The following TRIM58 variants were observed in gnomAD, a reference collection of about 807,000 sequenced individuals.
TRIM58 encodes tripartite motif containing 58, also known as E3 ubiquitin-protein ligase TRIM58.
TRIM58 carries 38 observed loss-of-function variants against 34.1 expected under a neutral mutation model. That is an observed-to-expected ratio of 1.12 (90% CI 0.86 to 1.46). The LOEUF (loss-of-function observed/expected upper bound fraction) is 1.46, where lower values mean the gene tolerates loss of function less well. Ranked by LOEUF, TRIM58 falls within the 40% of genes most tolerant of loss-of-function variation. The probability of loss-of-function intolerance (pLI) is 0.00; values close to 1 mark genes in which losing one functional copy is unlikely to be tolerated. For missense variants in TRIM58, 677 were observed against 642.0 expected (o/e 1.05, Z -0.59); for synonymous variants, 273 against 275.7 (o/e 0.99, Z 0.10).
At chr1:247,869,441 A>T (rs541374672) in intron 5 of TRIM58, among the ~76,000 whole-genome samples, 2 of 152,246 alleles carry the variant, frequency 1.3e-5, no homozygotes, top group Non-Finnish European at 1.5e-5. Context: ...ATTAGCTTAC[A>T]AAAGACACTC....
chr1:247,873,943 G>A (rs1659206321), intron 5 of TRIM58, among the ~76,000 whole-genome samples: 1 of 151,674 alleles, frequency 6.6e-6, no homozygotes. Flanking sequence ...TCCAGACTGG[G>A]CAACAGAGCG....
chr1:247,857,331 G>C lies in TRIM58; in HGVS notation c.85G>C (p.Val29Leu), dbSNP rs868777584. 4 of 1,480,538 alleles carry C rather than the reference G, an allele frequency of 2.7e-6. No homozygotes were observed. The highest frequency in any genetic ancestry group is 3.6e-6 in the Non-Finnish European group (4 of 1,111,824). The allele number at this position is 1,480,538 out of a possible 1,614,324, so 91.7% of individuals were successfully genotyped here. A position where few individuals can be genotyped will look rare whatever the true frequency, so the allele number is the denominator to read the frequency against. Reference sequence around the variant, plus strand: ...GGATTTCCTGCAGGAGCCGGTCAGCGTGGACTGCGGCCACAGCTTCTGCCT... The same window carrying C: ...GGATTTCCTGCAGGAGCCGGTCAGCCTGGACTGCGGCCACAGCTTCTGCCT... ...CLDFLQEPVS[V>L]DCGHSFCLRC... The change falls in exon 1 of 6, where the codon GTG (valine) becomes CTG (leucine). Residue 29 changes from valine to leucine, a missense_variant. Val to Leu is a conservative substitution (Grantham distance 32). Coordinates refer to ENST00000366481, the MANE Select transcript of TRIM58 (RefSeq NM_015431.4).
Position 247,864,812 on chromosome 1 carries a change from G to C in TRIM58, c.624G>C (p.Glu208Asp). Residue 208 changes from glutamate (E) to aspartate (D), a missense_variant, in exon 3 of 6, where the codon GAG becomes GAC. Glu to Asp is a conservative substitution (Grantham distance 45). Transcript: ENST00000366481. ...QRQLRRLEAE[E>D]RATLQRLRES... is the part of the protein sequence containing the mutation. Reference sequence around the variant, plus strand: ...AGCTGAGGCGGCTGGAGGCGGAGGAGCGAGCGACGCTGCAGAGACTGCGGG... The same window carrying C: ...AGCTGAGGCGGCTGGAGGCGGAGGACCGAGCGACGCTGCAGAGACTGCGGG... 1 of 1,613,958 alleles carries C rather than the reference G, an allele frequency of 6.2e-7. No individual in the cohort carries two copies.
chr1:247,865,060 C>A, intron 3 of TRIM58, 125 bp downstream of exon 3: 1 of 871,528 alleles, frequency 1.1e-6, no homozygotes, highest in Non-Finnish European at 1.7e-6. Context: ...CTCAAATTTA[C>A]TCAGAAGGCA....
At chr1:247,871,515 G>A (rs568334421) in intron 5 of TRIM58, among the ~76,000 whole-genome samples, 1 of 152,208 alleles carries the variant, frequency 6.6e-6, no homozygotes, top group South Asian at 2.1e-4. Flanking sequence ...TCTAAATAGT[G>A]ACTTCACTAC....
intron 1 of TRIM58, among the ~76,000 whole-genome samples, chr1:247,858,845 C>T (rs1042885019): frequency 3.4e-5 from 5 of 148,988 alleles, no homozygotes; most frequent in African/African-American, 1.3e-4. Flanking sequence ...ATTGCAACCT[C>T]CGTCTCCCGG....
chr1:247,875,681 G>A (rs1289017983), intron 5 of TRIM58, among the ~76,000 whole-genome samples: 6 of 152,026 alleles, frequency 3.9e-5, no homozygotes, highest in South Asian at 4.2e-4. Context: ...TCTGGGTTAC[G>A]CAGAGGTAAC....
Position 247,857,549 on chromosome 1 carries a change from G to A in TRIM58, c.303G>A (p.Glu101=). The A allele has an allele frequency of 1.6e-6, 2 of 1,274,176 alleles. No homozygotes were observed. The highest frequency in any genetic ancestry group is 5.9e-5 in the South Asian group (2 of 34,062). 78.9% of individuals were successfully genotyped at this position (1,274,176 alleles called of 1,614,324 possible). The change falls in exon 1 of 6, where the codon GAG becomes GAA. Residue 101 remains glutamate (E), a synonymous_variant. Transcript: ENST00000366481. ...PGARRCARHG[E]DLSRFCEEDE... ...CGCGGCGATGCGCGCGGCACGGCGA[G>A]GACCTGAGCCGCTTCTGCGAGGAGG...
chr1:247,867,928 C>G lies in TRIM58; in HGVS notation c.771-35C>G, dbSNP rs368471141. ...AGAGGCAGAGGAGCTGGTGGAGAAC[C>G]CTGCTGACTTCTGTGGTTTCTGTGC... On this transcript the variant is annotated intron_variant, in intron 4 of 5. Transcript: ENST00000366481. The G allele has an allele frequency of 3.0e-5, 49 of 1,613,478 alleles. No homozygotes were observed. In the African/African-American group the frequency reaches 6.4e-4, roughly 21 times the overall value.
At chr1:247,861,832 T>G (rs1663800495) in intron 2 of TRIM58, among the ~76,000 whole-genome samples, 1 of 152,030 alleles carries the variant, frequency 6.6e-6, no homozygotes, top group Non-Finnish European at 1.5e-5. Context: ...AGAAGAAACA[T>G]GTACATTAAG....
At chr1:247,857,733 G>T in intron 1 of TRIM58, 67 bp downstream of exon 1, 2 of 1,200,496 alleles carry the variant, frequency 1.7e-6, no homozygotes, top group Non-Finnish European at 2.1e-6. Context: ...AGTCCGGAGC[G>T]GAGCCGCCGA....
In TRIM58 at chr1:247,872,700, T is replaced by A. The variant is rs779074550; in HGVS notation, c.872-3200T>A. On this transcript the variant is annotated intron_variant, in intron 5 of 5. Coordinates refer to ENST00000366481, the MANE Select transcript of TRIM58 (RefSeq NM_015431.4). ...TATGAATGGAATTTTATCAAAGCAA[T>A]GAACCAGCCAGCACCCGGGTAGATA... 4.0e-4 allele frequency among the ~76,000 whole-genome samples: 61 copies of A among 152,076 alleles called. 1 individual carries two copies. Among genetic ancestry groups the A allele is most frequent in the South Asian group, 2.1e-4 (1 of 4,808 alleles).
Position 247,860,667 on chromosome 1 carries a change from C to T in TRIM58, c.471C>T (p.Ala157=), listed in dbSNP as rs1663767509. 6.2e-7 allele frequency: 1 copy of T among 1,613,682 alleles called. No individual in the cohort carries two copies. The highest frequency in any genetic ancestry group is 8.5e-7 in the Non-Finnish European group (1 of 1,179,822). The part of the protein sequence containing the change: ...LELMRKELED[A]LTQEANVGKK... ...TTATGAGGAAAGAGTTGGAGGACGCCTTGACTCAGGAGGCCAACGTGGGGA... is the reference window on the plus strand; with the variant it reads ...TTATGAGGAAAGAGTTGGAGGACGCTTTGACTCAGGAGGCCAACGTGGGGA... The change falls in exon 2 of 6, where the codon GCC becomes GCT. Residue 157 remains alanine, a synonymous_variant. Transcript: ENST00000366481.
chr1:247,864,606 G>A (rs988716107), intron 2 of TRIM58, 99 bp from the exon 3 acceptor site: 37 of 1,289,280 alleles, frequency 2.9e-5, no homozygotes, highest in Middle Eastern at 2.1e-4. Flanking sequence ...ACAGAGTTAC[G>A]GAGCCCGGGG....
Position 247,876,051 on chromosome 1 carries a change from C to A in TRIM58, c.1023C>A (p.Phe341Leu), listed in dbSNP as rs1366919128. The A allele has an allele frequency of 1.9e-6, 3 of 1,614,174 alleles. No individual in the cohort carries two copies. Among genetic ancestry groups the A allele is most frequent in the Non-Finnish European group, 8.5e-7 (1 of 1,180,038 alleles). ...TWPCILGLQS[F>L]SSGRHYWEVL... Reference sequence around the variant, plus strand: ...CCTGCATCCTGGGTTTGCAGAGCTTCTCATCAGGGAGGCATTACTGGGAGG... The same window carrying A: ...CCTGCATCCTGGGTTTGCAGAGCTTATCATCAGGGAGGCATTACTGGGAGG... The change falls in exon 6 of 6, where the codon TTC becomes TTA. Residue 341 changes from phenylalanine to leucine, a missense_variant. Phe to Leu is a conservative substitution (Grantham distance 22). Coordinates refer to ENST00000366481, the MANE Select transcript of TRIM58 (RefSeq NM_015431.4).
chr1:247,865,111 A>G (rs1249166963), intron 3 of TRIM58, among the ~76,000 whole-genome samples, 176 bp downstream of exon 3: 1 of 152,220 alleles, frequency 6.6e-6, no homozygotes, highest in Non-Finnish European at 1.5e-5. Flanking sequence ...CATTCCTGGC[A>G]TCAGAATCAT....
chr1:247,865,683 T>C (rs1243380253), intron 3 of TRIM58, among the ~76,000 whole-genome samples: 2 of 152,362 alleles, frequency 1.3e-5, no homozygotes, highest in East Asian at 3.9e-4. Context: ...AGGAAATCTT[T>C]GTTTTTAATC....
At chr1:247,872,464 G>C (rs1659154386) in intron 5 of TRIM58, among the ~76,000 whole-genome samples, 1 of 152,198 alleles carries the variant, frequency 6.6e-6, no homozygotes, top group South Asian at 2.1e-4. Context: ...CAAGGTTTTG[G>C]ATCTTGCGAA....
intron 5 of TRIM58, among the ~76,000 whole-genome samples, chr1:247,869,315 G>A (rs74787361): frequency 6.6e-6 from 1 of 152,186 alleles, no homozygotes; most frequent in Admixed American, 6.5e-5. Context: ...TCAGAGGTGG[G>A]GGGGGGTGAG....
Sources: gnomAD v4.1 joint callset for allele counts (sites outside exome capture counted in the v4.1 genomes callset) on GRCh38, gnomAD v4.1.1 for gene constraint, MANE v1.5 for transcripts, NCBI Gene and HGNC (gene_info 2026-07-23, HGNC 2026-07-21) for gene names.